MAP4K4: variants seen among roughly 807,000 people sequenced by gnomAD.
MAP4K4 encodes mitogen-activated protein kinase kinase kinase kinase 4.
MAP4K4 carries 38 observed loss-of-function variants against 189.6 expected under a neutral mutation model. That is an observed-to-expected ratio of 0.20 (90% CI 0.15 to 0.26). The LOEUF is 0.26. Among genes scored for constraint, MAP4K4 ranks in the 10% least tolerant of loss-of-function variants. The pLI, the probability that MAP4K4 is intolerant of heterozygous loss-of-function variation, is 1.00. For missense variants in MAP4K4, 1,054 were observed against 1,726.9 expected (o/e 0.61, Z 6.91); for synonymous variants, 610 against 624.3 (o/e 0.98, Z 0.34).
rs533854506 is a variant in MAP4K4 at position 101,807,375 on chromosome 2, T to G, written c.181-16553T>G. 2.0e-5 allele frequency among the ~76,000 whole-genome samples: 3 copies of G among 152,190 alleles called. No individual in the cohort carries two copies. The East Asian group carries it at 5.8e-4, about 29-fold the overall frequency. ...AGCCACTGCTCCTGGACATGTCACC[T>G]GTATTTTAGCCCAACATGGCACTCC... is the stretch of plus-strand genomic sequence containing the variant. On this transcript the variant is annotated intron_variant, in intron 3 of 32. Transcript: ENST00000324219.
At chr2:101,882,987 G>GACAGTCCACATTCTTCTC (rs2098423919) in intron 28 of MAP4K4, among the ~76,000 whole-genome samples, 1 of 152,150 alleles carries the variant, frequency 6.6e-6, no homozygotes, top group Admixed American at 6.5e-5. Flanking sequence ...CCTCCTCTTT[G>GACAGTCCACATTCTTCTC]ACAGTCCACA....
chr2:101,759,030 G>T (rs1269916800), intron 2 of MAP4K4, among the ~76,000 whole-genome samples: 1 of 151,962 alleles, frequency 6.6e-6, no homozygotes, highest in African/African-American at 2.4e-5. Flanking sequence ...CTACTCGGGA[G>T]GCTGAGGCAG....
At chr2:101,854,111 GGACAGAAATATAGGAT>G (rs1311239915) in intron 12 of MAP4K4, among the ~76,000 whole-genome samples, 3 of 152,016 alleles carry the variant, frequency 2.0e-5, no homozygotes, top group African/African-American at 7.2e-5. Flanking sequence ...GGAAGTTTGT[GGACAGAAATATAGGAT>G]GACTGGAAAA....
At chr2:101,716,734 C>A (rs1298848881) in intron 2 of MAP4K4, among the ~76,000 whole-genome samples, 1 of 152,072 alleles carries the variant, frequency 6.6e-6, no homozygotes, top group Non-Finnish European at 1.5e-5. Context: ...CTCTTCTATC[C>A]ATCTCTTCTA....
chr2:101,777,667 CCTTTTT>C (rs1248481018), intron 2 of MAP4K4, among the ~76,000 whole-genome samples: 1 of 152,200 alleles, frequency 6.6e-6, no homozygotes, highest in African/African-American at 2.4e-5. Context: ...TTATTTCCAT[CCTTTTT>C]CTTTTAACTA....
chr2:101,804,278 C>T (rs1026465553), intron 3 of MAP4K4, among the ~76,000 whole-genome samples: 5 of 152,246 alleles, frequency 3.3e-5, no homozygotes, highest in Middle Eastern at 3.4e-3. Context: ...ACAATTGTCC[C>T]GTTGAACCTT....
intron 2 of MAP4K4, among the ~76,000 whole-genome samples, chr2:101,714,030 T>A (rs1218810810): frequency 3.3e-5 from 5 of 149,414 alleles, no homozygotes; most frequent in African/African-American, 1.2e-4. Context: ...ATCTTTGTCT[T>A]AGAACCTCAC....
At chr2:101,779,002 G>A (rs796708009) in intron 2 of MAP4K4, among the ~76,000 whole-genome samples, 19 of 152,170 alleles carry the variant, frequency 1.2e-4, no homozygotes, top group African/African-American at 4.3e-4. Flanking sequence ...CTGTAAAATA[G>A]GGATGTTTTT....
chr2:101,718,490 T>G (rs1454289967), intron 2 of MAP4K4, among the ~76,000 whole-genome samples: 3 of 149,934 alleles, frequency 2.0e-5, no homozygotes, highest in African/African-American at 7.4e-5. Flanking sequence ...TTCGACAGGT[T>G]TGGTTGGTAG....
In MAP4K4 at chr2:101,870,425, T is replaced by A. The variant is rs1231991744; in HGVS notation, c.2760+10T>A. 6.2e-7 allele frequency: 1 copy of A among 1,613,104 alleles called. No homozygotes were observed. The highest frequency in any genetic ancestry group is 8.5e-7 in the Non-Finnish European group (1 of 1,179,688). ...TCTAATCGTCCGCCAGGTACCCGTG[T>A]CTTCTCTGTTGTCAGAGGCTGAGCT... On this transcript the variant is annotated intron_variant, in intron 23 of 32. Transcript: ENST00000324219.
At chr2:101,860,578 T>A in intron 15 of MAP4K4, 1 of 402,036 alleles carries the variant, frequency 2.5e-6, no homozygotes, top group Non-Finnish European at 4.4e-6. Flanking sequence ...AGTCTTAGAA[T>A]TCTGAGCAAG....
chr2:101,764,618 G>C (rs1575145934), intron 2 of MAP4K4, among the ~76,000 whole-genome samples: 1 of 152,130 alleles, frequency 6.6e-6, no homozygotes, highest in Non-Finnish European at 1.5e-5. Context: ...TGTAGGGATA[G>C]TTTTGCATTG....
chr2:101,786,420 AT>A (rs962061345), intron 2 of MAP4K4, among the ~76,000 whole-genome samples: 1 of 151,932 alleles, frequency 6.6e-6, no homozygotes, highest in African/African-American at 2.4e-5. Context: ...AAAAACATAC[AT>A]TTTCCTGAAA....
At chr2:101,867,093 G>C (rs2097840853) in intron 19 of MAP4K4, 119 bp from the exon 20 acceptor site, 1 of 654,196 alleles carries the variant, frequency 1.5e-6, no homozygotes, top group East Asian at 2.8e-5. Context: ...CAGACCTGCA[G>C]GTGGAGAGCC....
exon 15 of MAP4K4, chr2:101,859,708 A>G (rs1376290748): frequency 5.0e-6 from 8 of 1,612,666 alleles, no homozygotes; most frequent in Non-Finnish European, 5.9e-6. Context: ...AGTTGCAACA[A>G]GAACAAGCAT....
chr2:101,735,127 A>C (rs2059859268), intron 2 of MAP4K4, among the ~76,000 whole-genome samples: 1 of 152,188 alleles, frequency 6.6e-6, no homozygotes. Flanking sequence ...ATGCAAATGT[A>C]CAGTGTAGTG....
At chr2:101,891,839 T>G (rs1171107881) in exon 33 of MAP4K4, 1 of 148,468 alleles carries the variant, frequency 6.7e-6, no homozygotes, top group African/African-American at 2.5e-5. Flanking sequence ...GTTACTAGGA[T>G]AACTTTTTTG....
At chr2:101,874,030 A>G in intron 25 of MAP4K4, 52 bp from the exon 26 acceptor site, 1 of 1,444,110 alleles carries the variant, frequency 6.9e-7, no homozygotes, top group Non-Finnish European at 9.6e-7. Context: ...GAAGGGAGGC[A>G]GGCATAGTGT....
intron 10 of MAP4K4, 94 bp from the exon 11 acceptor site, chr2:101,842,515 A>G: frequency 1.2e-6 from 1 of 845,868 alleles, no homozygotes; most frequent in African/African-American, 1.7e-5. Context: ...GAACTTGTTT[A>G]TTTTCTGCCA....
Sources: allele counts gnomAD v4.1 joint callset (sites outside exome capture counted in the v4.1 genomes callset), GRCh38; gene constraint gnomAD v4.1.1; transcripts MANE v1.5; gene names NCBI Gene and HGNC (gene_info 2026-07-23, HGNC 2026-07-21).